Variants in MACROD2 observed in about 807,000 individuals in gnomAD.
The protein encoded by MACROD2 is ADP-ribose glycohydrolase MACROD2.
MACROD2 carries 36 observed loss-of-function variants against 70.4 expected under a neutral mutation model. The observed-to-expected ratio is 0.51, with a 90% CI of 0.39 to 0.68. The LOEUF (loss-of-function observed/expected upper bound fraction) is 0.68, where lower values mean the gene tolerates loss of function less well. Ranked by LOEUF, MACROD2 falls within the 30% of genes least tolerant of loss-of-function variation. The probability of loss-of-function intolerance (pLI) is 0.00; values close to 1 mark genes in which losing one functional copy is unlikely to be tolerated. For synonymous variants in MACROD2, 172 were observed against 178.8 expected (o/e 0.96, Z 0.30); for missense variants, 496 against 538.4 (o/e 0.92, Z 0.78).
At chr20:14,071,738 A>G (rs2053846136) in intron 2 of MACROD2, among the ~76,000 whole-genome samples, 1 of 152,166 alleles carries the variant, frequency 6.6e-6, no homozygotes, top group South Asian at 2.1e-4. Flanking sequence ...TTGATGCCTA[A>G]AATAGAGGTG....
intron 8 of MACROD2, among the ~76,000 whole-genome samples, chr20:15,662,120 C>T (rs1190721423): frequency 4.6e-5 from 7 of 152,150 alleles, no homozygotes; most frequent in Non-Finnish European, 1.0e-4. Context: ...AAAGACTCAT[C>T]TAATTTTCTG....
intron 3 of MACROD2, among the ~76,000 whole-genome samples, chr20:14,374,467 A>G (rs911627264): frequency 6.6e-6 from 1 of 152,174 alleles, no homozygotes; most frequent in Non-Finnish European, 1.5e-5. Context: ...ATGATGTCAG[A>G]CACATCTTTA....
intron 8 of MACROD2, among the ~76,000 whole-genome samples, chr20:15,586,977 A>G (rs1043779476): frequency 6.6e-6 from 1 of 152,242 alleles, no homozygotes; most frequent in Non-Finnish European, 1.5e-5. Context: ...GAGTGGCAAG[A>G]CTCAACTTCA....
At chr20:15,335,593 T>C (rs1189667518) in intron 6 of MACROD2, among the ~76,000 whole-genome samples, 3 of 151,704 alleles carry the variant, frequency 2.0e-5, no homozygotes, top group Non-Finnish European at 4.4e-5. Context: ...TTATAATAAA[T>C]ACATTAGTAA....
chr20:15,466,482 A>G (rs1401950355), intron 7 of MACROD2, among the ~76,000 whole-genome samples: 1 of 152,184 alleles, frequency 6.6e-6, no homozygotes, highest in Non-Finnish European at 1.5e-5. Context: ...TGGCATTTTT[A>G]TGAACTGGAT....
chr20:15,274,749 G>T (rs1172062451), intron 6 of MACROD2, among the ~76,000 whole-genome samples: 2 of 152,212 alleles, frequency 1.3e-5, no homozygotes, highest in Admixed American at 6.5e-5. Context: ...CAGGGACTGA[G>T]AAAGATGAAC....
intron 5 of MACROD2, among the ~76,000 whole-genome samples, chr20:14,803,996 T>A (rs2072609071): frequency 6.6e-6 from 1 of 152,054 alleles, no homozygotes; most frequent in African/African-American, 2.4e-5. Flanking sequence ...TCATAAGTTG[T>A]GAACTTTAGT....
chr20:15,545,306 A>G (rs751451238), intron 8 of MACROD2, among the ~76,000 whole-genome samples: 2 of 152,246 alleles, frequency 1.3e-5, no homozygotes, highest in Non-Finnish European at 2.9e-5. Flanking sequence ...TATTGGCTGC[A>G]GGCAAAATAT....
intron 6 of MACROD2, among the ~76,000 whole-genome samples, chr20:15,403,927 A>G (rs370794521): frequency 3.3e-5 from 5 of 152,230 alleles, no homozygotes; most frequent in African/African-American, 4.8e-5. Context: ...AATGGTGCCT[A>G]CAAGGGAATG....
intron 5 of MACROD2, among the ~76,000 whole-genome samples, chr20:14,932,125 G>A (rs550942023): frequency 2.3e-4 from 35 of 152,204 alleles, no homozygotes; most frequent in East Asian, 7.7e-4. Flanking sequence ...AACTGGCTGT[G>A]CCCCTGGTTC....
chr20:15,657,426 G>T (rs554897058), intron 8 of MACROD2, among the ~76,000 whole-genome samples: 4 of 152,062 alleles, frequency 2.6e-5, no homozygotes, highest in Non-Finnish European at 5.9e-5. Context: ...TCCAGTGGCT[G>T]GTTTTCATGA....
At chr20:14,471,068 A>G (rs901882708) in intron 3 of MACROD2, among the ~76,000 whole-genome samples, 2 of 152,136 alleles carry the variant, frequency 1.3e-5, no homozygotes, top group African/African-American at 2.4e-5. Flanking sequence ...ACCTGAGGGA[A>G]TCTCCTGGTC....
intron 8 of MACROD2, among the ~76,000 whole-genome samples, chr20:15,579,870 G>T (rs1259336899): frequency 6.6e-6 from 1 of 152,162 alleles, no homozygotes; most frequent in Non-Finnish European, 1.5e-5. Context: ...GCACACAGCT[G>T]GAAATTGCTT....
intron 3 of MACROD2, among the ~76,000 whole-genome samples, chr20:14,147,858 A>G (rs992968788): frequency 2.0e-5 from 3 of 152,170 alleles, no homozygotes; most frequent in Non-Finnish European, 2.9e-5. Context: ...CCTCATGCTG[A>G]TCTCACTCTT....
intron 8 of MACROD2, among the ~76,000 whole-genome samples, chr20:15,733,436 A>C (rs1479262236): frequency 6.6e-6 from 1 of 152,140 alleles, no homozygotes; most frequent in Middle Eastern, 3.2e-3. Context: ...CTAAAGTAGA[A>C]GCTTAGGTAG....
At chr20:14,003,651 G>A (rs2052768334) in intron 2 of MACROD2, 2 of 452,952 alleles carry the variant, frequency 4.4e-6, no homozygotes, top group Admixed American at 2.6e-5. Flanking sequence ...AGAACAGAAG[G>A]GTGGGAAGCC....
Position 14,673,874 on chromosome 20 carries a change from C to T in MACROD2, c.302-10969C>T, listed in dbSNP as rs563552808. 6.7e-4 allele frequency among the ~76,000 whole-genome samples: 97 copies of T among 144,572 alleles called. 1 individual carries two copies. In the East Asian group the frequency reaches 0.018, roughly 27 times the overall value. The allele number at this position is 144,572 out of a possible 152,430, so 94.8% of individuals were successfully genotyped here. A position where few individuals can be genotyped will look rare whatever the true frequency, so the allele number is the denominator to read the frequency against. On this transcript the variant is annotated intron_variant, in intron 4 of 17. Coordinates refer to ENST00000684519, the MANE Select transcript of MACROD2 (RefSeq NM_001351661.2). ...GGTGGAGGTTGCAGTGAGCCAAGAT[C>T]GTGCCACTGCACTCCAGCCTGGGCA...
intron 2 of MACROD2, among the ~76,000 whole-genome samples, chr20:14,085,089 G>C (rs1388677652): frequency 6.6e-6 from 1 of 151,034 alleles, no homozygotes; most frequent in African/African-American, 2.4e-5. Context: ...ATTGAACCCG[G>C]AAGACAGGGG....
Position 15,116,314 on chromosome 20 carries a change from A to G in MACROD2, c.419-113626A>G, listed in dbSNP as rs372588475. 7.9e-4 allele frequency among the ~76,000 whole-genome samples: 120 copies of G among 152,208 alleles called. No individual in the cohort carries two copies. The Middle Eastern group carries it at 0.01, about 13-fold the overall frequency. On this transcript the variant is annotated intron_variant, in intron 5 of 17. Coordinates refer to ENST00000684519, the MANE Select transcript of MACROD2 (RefSeq NM_001351661.2). ...CCTACTCAACATGAAGACCATGAGG[A>G]TGAAGACCTTTTTGCTCACTCACTT...
Sources: allele counts gnomAD v4.1 joint callset (sites outside exome capture counted in the v4.1 genomes callset), GRCh38; gene constraint gnomAD v4.1.1; transcripts MANE v1.5; gene names NCBI Gene and HGNC (gene_info 2026-07-23, HGNC 2026-07-21).